Variants in ABCA10 observed in about 807,000 individuals in gnomAD.
ABCA10 encodes the protein ATP binding cassette subfamily A member 10, also known as ATP-binding cassette sub-family A member 10.
Under a neutral mutation model 187.5 loss-of-function variants are expected in ABCA10, and 169 were observed. The ratio of observed to expected loss-of-function variants is 0.90; its 90% CI spans 0.80 to 1.02. The LOEUF (loss-of-function observed/expected upper bound fraction) is 1.02, where lower values mean the gene tolerates loss of function less well. Ranked by LOEUF, ABCA10 falls within the 50% of genes least tolerant of loss-of-function variation. ABCA10 has a pLI of 0.00. For missense variants in ABCA10, 1,727 were observed against 1,812.4 expected, an observed-to-expected ratio of 0.95 and a Z score of 0.86; for synonymous variants, 574 against 601.8, an observed-to-expected ratio of 0.95 and a Z score of 0.68.
At chr17:69,243,765 G>A (rs1461821090) in intron 1 of ABCA10, among the ~76,000 whole-genome samples, 1 of 152,142 alleles carries the variant, frequency 6.6e-6, no homozygotes, top group South Asian at 2.1e-4. Context: ...GAGTGCAGTG[G>A]TGCATGCCTG....
chr17:69,185,841 T>G (rs1307353609), intron 19 of ABCA10, among the ~76,000 whole-genome samples, 198 bp from the exon 20 acceptor site: 1 of 152,136 alleles, frequency 6.6e-6, no homozygotes, highest in Admixed American at 6.6e-5. Flanking sequence ...CATTGGAAGA[T>G]ATTCAAGGGT....
At chr17:69,185,366 T>G in intron 20 of ABCA10, 111 bp downstream of exon 20, 1 of 1,079,062 alleles carries the variant, frequency 9.3e-7, no homozygotes, top group Non-Finnish European at 1.2e-6. Context: ...CATTTGAAAA[T>G]GGAGCAAGCT....
At chr17:69,177,967 A>ATATAT (rs1472912673) in intron 22 of ABCA10, among the ~76,000 whole-genome samples, 7 of 78,680 alleles carry the variant, frequency 8.9e-5, no homozygotes, top group African/African-American at 9.4e-5. Context: ...AAAAAAAAAA[A>ATATAT]AAAAAAATAT....
intron 30 of ABCA10, among the ~76,000 whole-genome samples, chr17:69,154,585 C>T (rs2074159372): frequency 6.6e-6 from 1 of 151,926 alleles, no homozygotes; most frequent in East Asian, 1.9e-4. Flanking sequence ...CCACCACACC[C>T]AGCTAATTTT....
intron 27 of ABCA10, among the ~76,000 whole-genome samples, chr17:69,159,455 C>T (rs2074198639): frequency 6.6e-6 from 1 of 151,950 alleles, no homozygotes; most frequent in Non-Finnish European, 1.5e-5. Context: ...AGGAGCTTAA[C>T]AAATCATAGG....
At chr17:69,187,913 A>G in intron 18 of ABCA10, 34 bp from the exon 19 acceptor site, 1 of 1,585,678 alleles carries the variant, frequency 6.3e-7, no homozygotes, top group Non-Finnish European at 8.6e-7. Context: ...TTAATAGGCT[A>G]TGTTATCTGA....
At position 69,182,823 on chromosome 17, in the gene ABCA10, G is replaced by T; in HGVS notation, c.2498-15C>A. 6.7e-7 allele frequency: 1 copy of T among 1,489,680 alleles called. No homozygotes were observed. The highest frequency in any genetic ancestry group is 8.9e-7 in the Non-Finnish European group (1 of 1,126,968). The allele number at this position is 1,489,680 out of a possible 1,614,324, so 92.3% of individuals were successfully genotyped here. A position where few individuals can be genotyped will look rare whatever the true frequency, so the allele number is the denominator to read the frequency against. ...AATATTTGATCCTAACATAGTGGAA[G>T]GAAGGCAACAAGAAAAAAAAAAAAA... On this transcript the variant is annotated splice_polypyrimidine_tract_variant and intron_variant, in intron 20 of 38. Transcript: ENST00000690296.
intron 25 of ABCA10, among the ~76,000 whole-genome samples, chr17:69,170,862 T>A (rs746161549): frequency 6.6e-6 from 1 of 152,152 alleles, no homozygotes; most frequent in Non-Finnish European, 1.5e-5. Context: ...AGTCCCCATA[T>A]CAGCCCATGA....
chr17:69,159,974 T>C (rs966759019), intron 27 of ABCA10, among the ~76,000 whole-genome samples: 1 of 152,052 alleles, frequency 6.6e-6, no homozygotes, highest in African/African-American at 2.4e-5. Context: ...AGGCCTTATA[T>C]TATACACAAA....
intron 9 of ABCA10, among the ~76,000 whole-genome samples, chr17:69,204,766 A>G (rs1440745374): frequency 6.6e-6 from 1 of 152,240 alleles, no homozygotes; most frequent in Non-Finnish European, 1.5e-5. Flanking sequence ...GGTTCAGTAA[A>G]AGAATTATAA....
chr17:69,149,196 T>C, intron 37 of ABCA10, 108 bp from the exon 38 acceptor site: 4 of 1,153,658 alleles, frequency 3.5e-6, no homozygotes, highest in East Asian at 2.4e-5. Context: ...CTGTAAGATA[T>C]AGGCCAAATA....
chr17:69,204,098 G>A (rs970631753), intron 9 of ABCA10, among the ~76,000 whole-genome samples: 1 of 152,170 alleles, frequency 6.6e-6, no homozygotes, highest in African/African-American at 2.4e-5. Context: ...CTTAATTGGA[G>A]ACAAGCCTCA....
chr17:69,222,348 AAAAG>A (rs898301353), intron 4 of ABCA10, among the ~76,000 whole-genome samples, 181 bp downstream of exon 4: 40 of 152,210 alleles, frequency 2.6e-4, no homozygotes, highest in African/African-American at 8.9e-4. Flanking sequence ...AAAAAAAAAA[AAAAG>A]GACATATGAG....
chr17:69,225,055 C>CT, intron 3 of ABCA10, among the ~76,000 whole-genome samples: 1 of 152,008 alleles, frequency 6.6e-6, no homozygotes, highest in Non-Finnish European at 1.5e-5. Context: ...TGGGTCCAAT[C>CT]TTTTTTTCCT....
At chr17:69,214,926 G>A (rs1474193624) in intron 8 of ABCA10, 75 bp from the exon 9 acceptor site, 1 of 1,051,160 alleles carries the variant, frequency 9.5e-7, no homozygotes, top group Non-Finnish European at 1.3e-6. Flanking sequence ...TTAAAAAATA[G>A]TGGTACCTAG....
chr17:69,165,108 T>C (rs1049552450), intron 25 of ABCA10, 25 bp from the exon 26 acceptor site: 21 of 1,491,772 alleles, frequency 1.4e-5, no homozygotes, highest in Non-Finnish European at 1.9e-5. Context: ...AGAAGTATTA[T>C]AATTTTCTCA....
In ABCA10 at chr17:69,193,943, CAT is replaced by C; in HGVS notation, c.1390_1391del (p.Met464GlyfsTer4). 6.2e-7 allele frequency: 1 copy of C among 1,611,178 alleles called. No homozygotes were observed. The highest frequency in any genetic ancestry group is 8.5e-7 in the Non-Finnish European group (1 of 1,178,314). On this transcript the variant is annotated frameshift_variant, in exon 13 of 39. Coordinates refer to ENST00000690296, the MANE Select transcript of ABCA10 (RefSeq NM_001377321.1). LOFTEE classifies it high-confidence loss of function. ...YNTQLSEITD[M>X]EEIRKNIGFC... Reference sequence around the variant, plus strand: ...ATCCAATATTCTTTCTAATTTCTTCCATGTCAGTTATTTCAGAGAGTTGAGTA... The same window carrying C: ...ATCCAATATTCTTTCTAATTTCTTCCGTCAGTTATTTCAGAGAGTTGAGTA...
rs1568069864 is a variant in ABCA10, at chr17:69,210,839, T to TATATA, written c.1006+3864_1006+3865insTATAT. 2.6e-3 allele frequency among the ~76,000 whole-genome samples: 81 copies of TATATA among 31,112 alleles called. 4 individuals are homozygous for TATATA. The highest frequency in any genetic ancestry group is 5.2e-3 in the African/African-American group (78 of 15,142). The allele number at this position is 31,112 out of a possible 152,430, so 20.4% of individuals were successfully genotyped here. A position where few individuals can be genotyped will look rare whatever the true frequency, so the allele number is the denominator to read the frequency against. On this transcript the variant is annotated intron_variant, in intron 9 of 38. Transcript: ENST00000690296. ...ATACATATATATATATGCCACATAT[T>TATATA]TATGCCACATATATATATATATATA...
intron 1 of ABCA10, among the ~76,000 whole-genome samples, chr17:69,242,903 T>G (rs2074913890): frequency 6.6e-6 from 1 of 152,148 alleles, no homozygotes; most frequent in Non-Finnish European, 1.5e-5. Context: ...ACCTGAAACT[T>G]AGATTGGGTT....
Sources: allele counts gnomAD v4.1 joint callset (sites outside exome capture counted in the v4.1 genomes callset), GRCh38; gene constraint gnomAD v4.1.1; transcripts MANE v1.5; gene names NCBI Gene and HGNC (gene_info 2026-07-23, HGNC 2026-07-21).